Variants in PCDH7 observed in about 807,000 individuals in gnomAD.
The protein encoded by PCDH7 is protocadherin 7.
In PCDH7, 17 loss-of-function variants were observed where a neutral mutation model predicts 58.9. The observed-to-expected ratio is 0.29, with a 90% CI of 0.20 to 0.43. The LOEUF is 0.43. Ranked by LOEUF, PCDH7 falls within the 20% of genes least tolerant of loss-of-function variation. PCDH7 has a pLI of 1.00. For synonymous variants in PCDH7, 664 were observed against 616.4 expected, an observed-to-expected ratio of 1.08 and a Z score of -1.14; for missense variants, 1,274 against 1,441.0, an observed-to-expected ratio of 0.88 and a Z score of 1.88.
chr4:31,146,547 C>T (rs374920221), downstream of PCDH7: 3 of 151,930 alleles, frequency 2.0e-5, no homozygotes, highest in African/African-American at 7.2e-5. Context: ...GTGGTACGAT[C>T]TGTTTGTAAT....
At chr4:30,803,878 C>A (rs1355838051) in intron 1 of PCDH7, among the ~76,000 whole-genome samples, 1 of 152,104 alleles carries the variant, frequency 6.6e-6, no homozygotes, top group Non-Finnish European at 1.5e-5. Context: ...AGGGGAAATC[C>A]AAGAGAATGT....
chr4:31,032,680 G>A (rs547031485), intron 3 of PCDH7, among the ~76,000 whole-genome samples: 3,806 of 91,642 alleles, frequency 0.042, 240 homozygotes, highest in East Asian at 0.34. Flanking sequence ...GGGAGGGAGG[G>A]AGGGAGGGAG....
intron 3 of PCDH7, among the ~76,000 whole-genome samples, chr4:31,022,385 C>T (rs1003595790): frequency 2.6e-5 from 4 of 152,022 alleles, no homozygotes; most frequent in Admixed American, 2.0e-4. Flanking sequence ...ATTCCTAGTG[C>T]TTAGTTTTAT....
At chr4:30,886,507 C>A (rs1157915271) in intron 1 of PCDH7, among the ~76,000 whole-genome samples, 6,695 of 124,186 alleles carry the variant, frequency 0.054, 131 homozygotes, top group Non-Finnish European at 0.063. Flanking sequence ...AAATAGGAAC[C>A]CTTTTACACT....
chr4:31,121,592 A>G (rs1478647238), intron 3 of PCDH7, among the ~76,000 whole-genome samples: 1 of 152,182 alleles, frequency 6.6e-6, no homozygotes, highest in African/African-American at 2.4e-5. Context: ...TCAGGAAAAT[A>G]TGATTACTAG....
At chr4:31,093,041 T>C (rs1464199757) in intron 3 of PCDH7, among the ~76,000 whole-genome samples, 2 of 152,102 alleles carry the variant, frequency 1.3e-5, no homozygotes, top group African/African-American at 2.4e-5. Context: ...AGTGTGCGTC[T>C]GCATCTATCC....
intron 3 of PCDH7, among the ~76,000 whole-genome samples, chr4:30,974,191 T>C (rs1413001191): frequency 2.6e-5 from 4 of 151,670 alleles, no homozygotes; most frequent in African/African-American, 7.3e-5. Context: ...TTTCTTTCTC[T>C]TTCTCTTTCC....
chr4:30,922,087 T>C (rs541418373), intron 2 of PCDH7, among the ~76,000 whole-genome samples: 12 of 151,838 alleles, frequency 7.9e-5, no homozygotes, highest in South Asian at 4.1e-4. Context: ...ACATGTACTA[T>C]AGTGTATTAC....
chr4:30,881,994 A>C (rs2109371753), intron 1 of PCDH7, among the ~76,000 whole-genome samples: 1 of 152,258 alleles, frequency 6.6e-6, no homozygotes, highest in Non-Finnish European at 1.5e-5. Flanking sequence ...GTGAAACATG[A>C]GTCTTATTGT....
At chr4:31,127,519 T>G (rs773835465) in intron 3 of PCDH7, among the ~76,000 whole-genome samples, 7 of 152,132 alleles carry the variant, frequency 4.6e-5, no homozygotes, top group Non-Finnish European at 8.8e-5. Context: ...TGCCATTTTG[T>G]TGATTGAAAT....
chr4:30,847,599 T>C (rs1191525394), intron 1 of PCDH7, among the ~76,000 whole-genome samples: 1 of 152,200 alleles, frequency 6.6e-6, no homozygotes, highest in Non-Finnish European at 1.5e-5. Context: ...AATTTTTTCA[T>C]ACATAAGATA....
At chr4:31,087,947 C>T (rs1712687588) in intron 3 of PCDH7, among the ~76,000 whole-genome samples, 1 of 151,890 alleles carries the variant, frequency 6.6e-6, no homozygotes, top group Non-Finnish European at 1.5e-5. Flanking sequence ...TTTATTAACT[C>T]ATTTAATTCT....
chr4:30,967,053 T>C (rs1168205223), intron 3 of PCDH7, among the ~76,000 whole-genome samples: 1 of 152,138 alleles, frequency 6.6e-6, no homozygotes, highest in African/African-American at 2.4e-5. Flanking sequence ...GCTGGATATT[T>C]AAAATTAGTC....
intron 3 of PCDH7, among the ~76,000 whole-genome samples, chr4:31,090,873 G>C (rs1340939648): frequency 1.3e-5 from 2 of 151,906 alleles, no homozygotes; most frequent in Admixed American, 6.6e-5. Context: ...TATGAAAAGT[G>C]TTATTTAGAT....
At chr4:30,846,273 C>T (rs1731934224) in intron 1 of PCDH7, among the ~76,000 whole-genome samples, 1 of 151,924 alleles carries the variant, frequency 6.6e-6, no homozygotes, top group South Asian at 2.1e-4. Flanking sequence ...AGGGCATTGC[C>T]CTCATGAATG....
At chr4:30,831,799 T>C (rs577342761) in intron 1 of PCDH7, among the ~76,000 whole-genome samples, 14 of 152,272 alleles carry the variant, frequency 9.2e-5, no homozygotes, top group African/African-American at 3.1e-4. Context: ...CCCCTTTTCA[T>C]AGAGTTATTA....
intron 3 of PCDH7, among the ~76,000 whole-genome samples, chr4:31,051,601 C>T (rs1756734751): frequency 1.1e-5 from 1 of 88,840 alleles, no homozygotes. Context: ...ATATTAAAAC[C>T]CTTAAATAAT....
intron 1 of PCDH7, among the ~76,000 whole-genome samples, chr4:30,891,549 C>T (rs1738607786): frequency 6.6e-6 from 1 of 151,974 alleles, no homozygotes; most frequent in African/African-American, 2.4e-5. Flanking sequence ...ACTTTCTCTT[C>T]CCCTTAATGG....
intron 1 of PCDH7, among the ~76,000 whole-genome samples, chr4:30,908,894 C>A (rs955886274): frequency 1.3e-5 from 2 of 152,102 alleles, no homozygotes; most frequent in African/African-American, 2.4e-5. Context: ...AAATTTCAGG[C>A]CAATATCCCT....
Sources: gnomAD v4.1 joint callset for allele counts (sites outside exome capture counted in the v4.1 genomes callset) on GRCh38, gnomAD v4.1.1 for gene constraint, MANE v1.5 for transcripts, NCBI Gene and HGNC (gene_info 2026-07-23, HGNC 2026-07-21) for gene names.